The following ZFYVE1 variants were observed in gnomAD, a reference collection of about 807,000 sequenced individuals.
ZFYVE1 encodes zinc finger FYVE domain-containing protein 1.
In ZFYVE1, 30 loss-of-function variants were observed where a neutral mutation model predicts 74.4. The ratio of observed to expected loss-of-function variants is 0.40; its 90% CI spans 0.30 to 0.55. ZFYVE1 has a LOEUF of 0.55. Among genes scored for constraint, ZFYVE1 ranks in the 20% least tolerant of loss-of-function variants. The pLI, the probability that ZFYVE1 is intolerant of heterozygous loss-of-function variation, is 0.42. For synonymous variants in ZFYVE1, 335 were observed against 385.1 expected (o/e 0.87, Z 1.52); for missense variants, 703 against 1,011.6 (o/e 0.69, Z 4.14).
intron 2 of ZFYVE1, among the ~76,000 whole-genome samples, chr14:73,005,635 T>A (rs12879070): frequency 0.13 from 20,155 of 152,150 alleles, 1,722 homozygotes; most frequent in South Asian, 0.23. Flanking sequence ...AATGAGATAA[T>A]AACAGATGTC....
At chr14:72,994,009 G>A (rs575487000) in intron 3 of ZFYVE1, among the ~76,000 whole-genome samples, 6 of 113,654 alleles carry the variant, frequency 5.3e-5, no homozygotes, top group South Asian at 5.5e-4. Flanking sequence ...GAGAGATTCC[G>A]TCTCAAAAAA....
intron 4 of ZFYVE1, among the ~76,000 whole-genome samples, chr14:72,991,341 T>C (rs1333679604): frequency 6.7e-5 from 10 of 150,052 alleles, no homozygotes; most frequent in African/African-American, 1.2e-4. Context: ...AGGTGCCCGC[T>C]ACCACACCCG....
chr14:72,978,027 G>A lies in ZFYVE1; in HGVS notation c.1535C>T (p.Pro512Leu). Residue 512 changes from proline (P) to leucine (L), a missense_variant, in exon 8 of 12, where the codon CCT becomes CTT. By Grantham distance (98) the Pro-to-Leu change is moderately conservative (BLOSUM62 -3). Coordinates refer to ENST00000556143, the MANE Select transcript of ZFYVE1 (RefSeq NM_021260.4). Reference protein sequence around the residue: ...YAWSGYVIECPNCGVVYRSRQ... With the variant: ...YAWSGYVIECLNCGVVYRSRQ... ...ACTACGATAGACCACGCCACAGTTA[G>A]GACATTCGATCACATACCTACAAGG... 6.2e-7 allele frequency: 1 copy of A among 1,614,174 alleles called. No individual in the cohort carries two copies. The highest frequency in any genetic ancestry group is 8.5e-7 in the Non-Finnish European group (1 of 1,180,048).
chr14:73,008,847 A>T (rs1894032238), intron 2 of ZFYVE1, among the ~76,000 whole-genome samples: 1 of 152,174 alleles, frequency 6.6e-6, no homozygotes, highest in African/African-American at 2.4e-5. Flanking sequence ...TTAACAGTAA[A>T]AGCTAAGCTA....
chr14:73,001,863 G>A (rs61986540), intron 2 of ZFYVE1, among the ~76,000 whole-genome samples: 8,571 of 151,880 alleles, frequency 0.056, 324 homozygotes, highest in Non-Finnish European at 0.089. Context: ...CAGGAGAATC[G>A]CTTGAACCCA....
chr14:72,992,067 C>T (rs55659750), intron 4 of ZFYVE1, among the ~76,000 whole-genome samples: 45,676 of 151,854 alleles, frequency 0.3, 7,269 homozygotes, highest in Middle Eastern at 0.39. Context: ...CCACCATGCC[C>T]GGCTAATTTT....
chr14:72,983,264 C>T (rs765283245), intron 4 of ZFYVE1, among the ~76,000 whole-genome samples: 4 of 151,340 alleles, frequency 2.6e-5, no homozygotes, highest in Non-Finnish European at 4.4e-5. Context: ...TTGTTACATA[C>T]GTATACATGT....
At chr14:73,007,646 G>A (rs1894007284) in intron 2 of ZFYVE1, among the ~76,000 whole-genome samples, 1 of 152,148 alleles carries the variant, frequency 6.6e-6, no homozygotes, top group African/African-American at 2.4e-5. Context: ...AAGCACTTGG[G>A]ATTATAGGTG....
rs948392147 is a variant in ZFYVE1 at position 72,970,133 on chromosome 14, C to T, written c.*749G>A. 5 of 224,028 alleles carry T rather than the reference C, an allele frequency of 2.2e-5. No homozygotes were observed. The Admixed American group carries it at 2.6e-4, about 12-fold the overall frequency. The allele number at this position is 224,028 out of a possible 1,614,324, so 13.9% of individuals were successfully genotyped here. On this transcript the variant is annotated 3_prime_UTR_variant, in exon 12 of 12. Coordinates refer to ENST00000556143, the MANE Select transcript of ZFYVE1 (RefSeq NM_021260.4). ...ACAGGAAGCCCTGCTGGAGAAGGCT[C>T]AGTTCCTTCCTTGCTGTTCCCTGGG...
chr14:73,015,160 A>G (rs12891951), intron 2 of ZFYVE1, among the ~76,000 whole-genome samples: 40,527 of 146,646 alleles, frequency 0.28, 6,404 homozygotes, highest in Middle Eastern at 0.39. Context: ...GAACCCGGGA[A>G]GCAGAGGTTG....
chr14:72,982,340 T>C (rs1016224057), intron 4 of ZFYVE1, among the ~76,000 whole-genome samples: 1 of 151,894 alleles, frequency 6.6e-6, no homozygotes, highest in Admixed American at 6.6e-5. Flanking sequence ...GGCACTTACT[T>C]GGAGTTTACT....
At chr14:73,003,348 C>A (rs1751324017) in intron 2 of ZFYVE1, among the ~76,000 whole-genome samples, 3 of 152,146 alleles carry the variant, frequency 2.0e-5, no homozygotes, top group Non-Finnish European at 4.4e-5. Context: ...GAACACCTTG[C>A]TGATTCTCAA....
In ZFYVE1 at chr14:73,027,057, T is replaced by C. The variant is rs1280923788; in HGVS notation, c.-566A>G. Reference sequence around the variant, plus strand: ...TCCGCCACCCTCCTCCTTCGTTGCCTCCCGGGCTTCCTCCTCTCCTGTTGT... The same window carrying C: ...TCCGCCACCCTCCTCCTTCGTTGCCCCCCGGGCTTCCTCCTCTCCTGTTGT... On this transcript the variant is annotated 5_prime_UTR_variant, in exon 1 of 12. Coordinates refer to ENST00000556143, the MANE Select transcript of ZFYVE1 (RefSeq NM_021260.4). 1.8e-5 allele frequency: 7 copies of C among 399,238 alleles called. No homozygotes were observed. The highest frequency in any genetic ancestry group is 1.2e-4 in the African/African-American group (6 of 48,646). 24.7% of individuals were successfully genotyped at this position (399,238 alleles called of 1,614,324 possible).
intron 4 of ZFYVE1, among the ~76,000 whole-genome samples, chr14:72,989,472 A>G (rs868384625): frequency 6.6e-6 from 1 of 152,216 alleles, no homozygotes; most frequent in Non-Finnish European, 1.5e-5. Context: ...AGGTAGGGGA[A>G]GGAAAGGGGA....
chr14:72,975,130 G>A lies in ZFYVE1; in HGVS notation c.1807-171C>T. On this transcript the variant is annotated intron_variant, in intron 9 of 11. Coordinates refer to ENST00000556143, the MANE Select transcript of ZFYVE1 (RefSeq NM_021260.4). This position sits in a 1 kb window ranked among gnomAD's most constrained non-coding sequence, Gnocchi z 4.1. The stretch of plus-strand genomic sequence containing the variant: ...TTATCTGAGAATGGAAAGGAAGCCT[G>A]GTGGACAGTGAGTTTCCTTTCACTA... 2 of 679,884 alleles carry A rather than the reference G, an allele frequency of 2.9e-6. No homozygotes were observed. Among genetic ancestry groups the A allele is most frequent in the Non-Finnish European group, 4.7e-6 (2 of 428,612 alleles). The allele number at this position is 679,884 out of a possible 1,614,324, so 42.1% of individuals were successfully genotyped here. A position where few individuals can be genotyped will look rare whatever the true frequency, so the allele number is the denominator to read the frequency against.
chr14:73,006,201 G>A (rs529660055), intron 2 of ZFYVE1, among the ~76,000 whole-genome samples: 2 of 152,060 alleles, frequency 1.3e-5, no homozygotes, highest in Non-Finnish European at 2.9e-5. Flanking sequence ...TTGTAGGCGT[G>A]AGCCACCGCG....
intron 11 of ZFYVE1, 100 bp from the exon 12 acceptor site, chr14:72,971,214 C>A (rs926096346): frequency 8.3e-7 from 1 of 1,199,248 alleles, no homozygotes; most frequent in Admixed American, 2.2e-5. Flanking sequence ...ATAATCCCAA[C>A]TGCACACAGA....
At chr14:73,020,874 T>C (rs187418040) in intron 2 of ZFYVE1, among the ~76,000 whole-genome samples, 23 of 152,166 alleles carry the variant, frequency 1.5e-4, no homozygotes, top group African/African-American at 4.8e-4. Flanking sequence ...ACTGGGATTA[T>C]AGGCGTGAGC....
At position 72,970,556 on chromosome 14, in the gene ZFYVE1, A is replaced by G; in HGVS notation, c.*326T>C. 1 of 303,888 alleles carries G rather than the reference A, an allele frequency of 3.3e-6. No individual in the cohort carries two copies. Among genetic ancestry groups the G allele is most frequent in the Non-Finnish European group, 6.2e-6 (1 of 160,502 alleles). The allele number at this position is 303,888 out of a possible 1,614,324, so 18.8% of individuals were successfully genotyped here. A position where few individuals can be genotyped will look rare whatever the true frequency, so the allele number is the denominator to read the frequency against. On this transcript the variant is annotated 3_prime_UTR_variant, in exon 12 of 12. Transcript: ENST00000556143. Reference sequence around the variant, plus strand: ...ACTGTGCGAAGTCTTCACAGCCAGCAGCAGCCTCGATACGCCCCGAGTGCC... The same window carrying G: ...ACTGTGCGAAGTCTTCACAGCCAGCGGCAGCCTCGATACGCCCCGAGTGCC...
Sources: gnomAD v4.1 joint callset for allele counts (sites outside exome capture counted in the v4.1 genomes callset) on GRCh38, gnomAD v4.1.1 for gene constraint, Gnocchi (gnomAD v3.1) non-coding constraint, MANE v1.5 for transcripts, NCBI Gene and HGNC (gene_info 2026-07-23, HGNC 2026-07-21) for gene names.